The following MSI2 variants were observed in gnomAD, a reference collection of about 807,000 sequenced individuals.
The protein encoded by MSI2 is musashi RNA binding protein 2.
In MSI2, 17 loss-of-function variants were observed where a neutral mutation model predicts 45.6. That is an observed-to-expected ratio of 0.37 (90% CI 0.26 to 0.56). MSI2 has a LOEUF of 0.56. Among genes scored for constraint, MSI2 ranks in the 20% least tolerant of loss-of-function variants. The pLI, the probability that MSI2 is intolerant of heterozygous loss-of-function variation, is 0.77. For missense variants in MSI2, 293 were observed against 444.2 expected (o/e 0.66, Z 3.06); for synonymous variants, 156 against 158.2 (o/e 0.99, Z 0.11).
chr17:57,549,569 G>A (rs142623915), intron 7 of MSI2, among the ~76,000 whole-genome samples: 102 of 152,250 alleles, frequency 6.7e-4, no homozygotes, highest in African/African-American at 2.3e-3. Context: ...ATAATGGTTC[G>A]AGTGAATGGA....
Position 57,261,985 on chromosome 17 carries a change from T to C in MSI2, c.271-166T>C, listed in dbSNP as rs1907350661. On this transcript the variant is annotated intron_variant, in intron 4 of 13. Coordinates refer to ENST00000284073, the MANE Select transcript of MSI2 (RefSeq NM_138962.4). Reference sequence around the variant, plus strand: ...TTAGTTACCTGATCTGTTGGAGGGATGGTTAAAGTTGAGATCAAAGTTTAA... The same window carrying C: ...TTAGTTACCTGATCTGTTGGAGGGACGGTTAAAGTTGAGATCAAAGTTTAA... 4 of 643,642 alleles carry C rather than the reference T, an allele frequency of 6.2e-6. No homozygotes were observed. The Admixed American group carries it at 8.2e-5, about 13-fold the overall frequency. 39.9% of individuals were successfully genotyped at this position (643,642 alleles called of 1,614,324 possible).
At chr17:57,616,302 TG>T in intron 9 of MSI2, 1 of 436,352 alleles carries the variant, frequency 2.3e-6, no homozygotes, top group South Asian at 4.8e-5. Context: ...TGTGTGTGTG[TG>T]TTTGTATTTA....
intron 5 of MSI2, among the ~76,000 whole-genome samples, chr17:57,277,259 C>T (rs1874839480): frequency 6.6e-6 from 1 of 152,016 alleles, no homozygotes; most frequent in Non-Finnish European, 1.5e-5. Flanking sequence ...AGTTACGCCA[C>T]GTTGGCCAGG....
At chr17:57,693,772 CTT>C in the MSI2 span, among the ~76,000 whole-genome samples, 1 of 152,154 alleles carries the variant, frequency 6.6e-6, no homozygotes, top group East Asian at 1.9e-4. Flanking sequence ...TGTCTCATGA[CTT>C]TTGATTGAAA....
chr17:57,478,313 C>T (rs2035090500), intron 6 of MSI2, among the ~76,000 whole-genome samples: 1 of 152,202 alleles, frequency 6.6e-6, no homozygotes, highest in African/African-American at 2.4e-5. Context: ...TTCAAGAATC[C>T]TGGGTGCCCT....
intron 11 of MSI2, among the ~76,000 whole-genome samples, chr17:57,670,039 C>T (rs1912668022): frequency 6.6e-6 from 1 of 152,156 alleles, no homozygotes; most frequent in Non-Finnish European, 1.5e-5. Flanking sequence ...CTTGGTGGGC[C>T]CCTGGCTTGT....
intron 5 of MSI2, among the ~76,000 whole-genome samples, chr17:57,333,034 G>GA (rs67130236): frequency 4.8e-4 from 71 of 147,766 alleles, no homozygotes; most frequent in South Asian, 1.3e-3. Flanking sequence ...CCAAAAAAAA[G>GA]AAAAAAAAAA....
intron 6 of MSI2, chr17:57,449,715 A>G (rs1191289058): frequency 2.0e-5 from 3 of 152,178 alleles, no homozygotes; most frequent in African/African-American, 4.8e-5. Flanking sequence ...AGCAGTGAAA[A>G]ATGACTTTTG....
chr17:57,532,553 T>C (rs892018652), intron 7 of MSI2, among the ~76,000 whole-genome samples: 1 of 152,196 alleles, frequency 6.6e-6, no homozygotes, highest in Non-Finnish European at 1.5e-5. Context: ...AAGAAGAACA[T>C]ATCACAGCAG....
At chr17:57,313,660 A>T (rs992716333) in intron 5 of MSI2, among the ~76,000 whole-genome samples, 1 of 152,210 alleles carries the variant, frequency 6.6e-6, no homozygotes, top group Non-Finnish European at 1.5e-5. Context: ...AGGCAGGGGA[A>T]CTTGCTGAGA....
chr17:57,566,517 G>A (rs1049278155), intron 7 of MSI2, among the ~76,000 whole-genome samples: 2 of 152,142 alleles, frequency 1.3e-5, no homozygotes, highest in African/African-American at 2.4e-5. Flanking sequence ...ATTGGGGCCC[G>A]GTATTTCCTG....
At position 57,411,039 on chromosome 17, in the gene MSI2, T is replaced by C. The variant is rs545183860; in HGVS notation, c.405+9568T>C. On this transcript the variant is annotated intron_variant, in intron 6 of 13. Transcript: ENST00000284073. ...TTTATTTAGAGACAGGGTCTCACTATGGTTTCCCAGGCTGGAGTGCAGCAG... is the reference window on the plus strand; with the variant it reads ...TTTATTTAGAGACAGGGTCTCACTACGGTTTCCCAGGCTGGAGTGCAGCAG... Among the ~76,000 whole-genome samples the C allele has an allele frequency of 2.3e-3, 357 of 152,344 alleles. 1 individual carries two copies. Among genetic ancestry groups the C allele is most frequent in the African/African-American group, 8.3e-3 (346 of 41,592 alleles).
At chr17:57,269,391 G>T (rs753053473) in intron 5 of MSI2, among the ~76,000 whole-genome samples, 1 of 152,196 alleles carries the variant, frequency 6.6e-6, no homozygotes, top group African/African-American at 2.4e-5. Context: ...AGAAGCTGGG[G>T]TCACTGATAG....
chr17:57,517,919 A>C (rs1265644496), intron 6 of MSI2, among the ~76,000 whole-genome samples: 1 of 152,204 alleles, frequency 6.6e-6, no homozygotes, highest in Non-Finnish European at 1.5e-5. Context: ...GGTGTCAGAG[A>C]GCCCAAAGGT....
intron 5 of MSI2, among the ~76,000 whole-genome samples, chr17:57,338,009 G>A (rs771951978): frequency 2.6e-5 from 4 of 152,082 alleles, no homozygotes; most frequent in African/African-American, 9.7e-5. Flanking sequence ...GGTGTGTAAC[G>A]TTCTCTCATC....
intron 7 of MSI2, among the ~76,000 whole-genome samples, chr17:57,555,218 C>G (rs1164026508): frequency 6.6e-6 from 1 of 152,208 alleles, no homozygotes; most frequent in Non-Finnish European, 1.5e-5. Context: ...ACCGCCAGCT[C>G]TGGGTCGCCC....
chr17:57,551,219 A>T (rs2087295696), intron 7 of MSI2, among the ~76,000 whole-genome samples: 1 of 152,124 alleles, frequency 6.6e-6, no homozygotes, highest in Admixed American at 6.5e-5. Context: ...TGGATAGGGG[A>T]CAAAAGGAGC....
intron 10 of MSI2, among the ~76,000 whole-genome samples, chr17:57,639,215 C>T: frequency 6.6e-6 from 1 of 152,134 alleles, no homozygotes; most frequent in Non-Finnish European, 1.5e-5. Context: ...ACATTCAGAC[C>T]ATAGCGGGCA....
intron 5 of MSI2, among the ~76,000 whole-genome samples, chr17:57,394,793 A>G (rs1356232257): frequency 6.6e-6 from 1 of 152,142 alleles, no homozygotes; most frequent in Non-Finnish European, 1.5e-5. Flanking sequence ...CCCATAATTG[A>G]TAGAGTTTCC....
Sources: gnomAD v4.1 joint callset for allele counts (sites outside exome capture counted in the v4.1 genomes callset) on GRCh38, gnomAD v4.1.1 for gene constraint, MANE v1.5 for transcripts, NCBI Gene and HGNC (gene_info 2026-07-23, HGNC 2026-07-21) for gene names.